ZNF148: variants seen among roughly 807,000 people sequenced by gnomAD.
ZNF148 encodes the protein Beta-Enolase Repressor Factor-1.
Under a neutral mutation model 67.7 loss-of-function variants are expected in ZNF148, and 7 were observed. That is an observed-to-expected ratio of 0.10 (90% CI 0.06 to 0.19). The LOEUF (loss-of-function observed/expected upper bound fraction) is 0.19, where lower values mean the gene tolerates loss of function less well. ZNF148 is among the 10% of genes least tolerant of loss of function. The pLI is 1.00. For missense variants in ZNF148, 583 were observed against 947.1 expected, an observed-to-expected ratio of 0.62 and a Z score of 5.05; for synonymous variants, 333 against 330.7, an observed-to-expected ratio of 1.01 and a Z score of -0.08.
intron 4 of ZNF148, among the ~76,000 whole-genome samples, chr3:125,293,903 G>A (rs1290819044): frequency 3.3e-5 from 5 of 152,160 alleles, no homozygotes; most frequent in Admixed American, 1.3e-4. Flanking sequence ...ATATTTAAAC[G>A]GTCTCAAAGT....
intron 4 of ZNF148, among the ~76,000 whole-genome samples, chr3:125,305,336 A>G (rs933697090): frequency 2.6e-5 from 4 of 152,256 alleles, no homozygotes; most frequent in African/African-American, 7.2e-5. Flanking sequence ...AATGTAAAAT[A>G]TAAATTCCAA....
At chr3:125,351,118 G>A (rs924479445) in intron 1 of ZNF148, among the ~76,000 whole-genome samples, 1 of 152,094 alleles carries the variant, frequency 6.6e-6, no homozygotes, top group African/African-American at 2.4e-5. Flanking sequence ...AAGATGGGAG[G>A]ATCGCTTGAA....
intron 7 of ZNF148, among the ~76,000 whole-genome samples, chr3:125,258,532 G>T (rs1379080754): frequency 6.6e-6 from 1 of 151,578 alleles, no homozygotes; most frequent in Admixed American, 6.6e-5. Context: ...CTCCCAAGTA[G>T]CTGGGTCTAC....
intron 3 of ZNF148, among the ~76,000 whole-genome samples, chr3:125,315,704 T>C (rs1206004948): frequency 2.0e-4 from 18 of 88,516 alleles, no homozygotes; most frequent in Admixed American, 1.5e-3. Context: ...CAGGACTCCA[T>C]CTCAAAAAAA....
rs1016714327 is a variant in ZNF148 at position 125,231,502 on chromosome 3, T to C, written c.*839A>G. ...GAATATACATTTTGTGTAAGCATTA[T>C]GTTCTTGGGAATGTAATCTACAGAA... is the stretch of plus-strand genomic sequence containing the variant. On this transcript the variant is annotated 3_prime_UTR_variant, in exon 9 of 9. Transcript: ENST00000360647. 2.0e-5 allele frequency: 3 copies of C among 152,566 alleles called. No homozygotes were observed. The highest frequency in any genetic ancestry group is 7.2e-5 in the African/African-American group (3 of 41,460). The allele number at this position is 152,566 out of a possible 1,614,324, so 9.5% of individuals were successfully genotyped here.
At chr3:125,235,851 C>CA (rs1234042638) in intron 7 of ZNF148, among the ~76,000 whole-genome samples, 4 of 146,548 alleles carry the variant, frequency 2.7e-5, no homozygotes, top group Non-Finnish European at 5.9e-5. Flanking sequence ...ATCACAAGGA[C>CA]AAAAAACCAA....
At chr3:125,374,989 G>A (rs1943017836) in intron 1 of ZNF148, 113 bp downstream of exon 1, 1 of 143,026 alleles carries the variant, frequency 7.0e-6, no homozygotes. Context: ...GCCTCGCCAC[G>A]GCTCGCTCCC....
At chr3:125,373,002 G>A (rs1942941012) in intron 1 of ZNF148, among the ~76,000 whole-genome samples, 1 of 151,878 alleles carries the variant, frequency 6.6e-6, no homozygotes, top group South Asian at 2.1e-4. Flanking sequence ...TTTAAAAAGG[G>A]TAGAAAGACA....
At chr3:125,365,390 T>C (rs1288125590) in intron 1 of ZNF148, among the ~76,000 whole-genome samples, 2 of 152,174 alleles carry the variant, frequency 1.3e-5, no homozygotes, top group East Asian at 1.9e-4. Flanking sequence ...ACGTATTTAG[T>C]TTCTATCATT....
intron 1 of ZNF148, among the ~76,000 whole-genome samples, chr3:125,361,178 G>A (rs1430428528): frequency 2.0e-5 from 3 of 151,912 alleles, no homozygotes; most frequent in Non-Finnish European, 4.4e-5. Context: ...GGCTTTTCCT[G>A]GACAATCTGC....
chr3:125,350,397 T>C (rs1248513861), intron 1 of ZNF148, among the ~76,000 whole-genome samples: 1 of 152,188 alleles, frequency 6.6e-6, no homozygotes, highest in Non-Finnish European at 1.5e-5. Flanking sequence ...ACTCCTGACC[T>C]CAAATGACCC....
At chr3:125,237,841 AAAG>A (rs1936163152) in intron 7 of ZNF148, among the ~76,000 whole-genome samples, 3 of 152,354 alleles carry the variant, frequency 2.0e-5, no homozygotes, top group African/African-American at 7.2e-5. Flanking sequence ...CTATCTTGAA[AAAG>A]AAGAATGAAG....
intron 7 of ZNF148, among the ~76,000 whole-genome samples, chr3:125,243,596 C>G (rs1936463300): frequency 6.6e-6 from 1 of 152,162 alleles, no homozygotes; most frequent in Non-Finnish European, 1.5e-5. Flanking sequence ...TCATAGCTCA[C>G]TGCAGCCGTG....
intron 1 of ZNF148, among the ~76,000 whole-genome samples, chr3:125,348,549 G>A (rs1006704582): frequency 7.5e-5 from 11 of 146,352 alleles, no homozygotes; most frequent in African/African-American, 2.8e-4. Flanking sequence ...ACTTAACTAA[G>A]GAGGCAAAGA....
At chr3:125,242,328 ATC>A (rs1472122418) in intron 7 of ZNF148, among the ~76,000 whole-genome samples, 2 of 152,128 alleles carry the variant, frequency 1.3e-5, no homozygotes, top group African/African-American at 4.8e-5. Flanking sequence ...TTTACATTAA[ATC>A]TCTCATATGG....
chr3:125,232,668 T>C lies in ZNF148; in HGVS notation c.2058A>G (p.Ser686=), dbSNP rs772714530. 5 of 1,613,736 alleles carry C rather than the reference T, an allele frequency of 3.1e-6. No individual in the cohort carries two copies. Among genetic ancestry groups the C allele is most frequent in the South Asian group, 2.2e-5 (2 of 91,088 alleles). Residue 686 remains serine (S), a synonymous_variant, in exon 9 of 9, where the codon TCA becomes TCG. Coordinates refer to ENST00000360647, the MANE Select transcript of ZNF148 (RefSeq NM_021964.3). This position sits in a 1 kb window ranked among gnomAD's most constrained non-coding sequence, Gnocchi z 4.2. ...FGLIVGDSQH[S]FPFSGDETNH... is the part of the protein sequence containing the mutation. ...TTGTCTCATCACCTGAAAAGGGAAA[T>C]GAGTGCTGTGAATCACCAACTATTA...
intron 7 of ZNF148, among the ~76,000 whole-genome samples, chr3:125,274,396 A>G (rs1487041653): frequency 6.6e-6 from 1 of 152,214 alleles, no homozygotes; most frequent in African/African-American, 2.4e-5. Flanking sequence ...AGTCCTGAGG[A>G]TATTTACAAT....
chr3:125,233,407 C>A lies in ZNF148; in HGVS notation c.1319G>T (p.Gly440Val). ...VDKQALLDSE[G>V]NADIDQVDNL... Reference sequence around the variant, plus strand: ...ATCAACCTGATCAATGTCAGCATTGCCTTCTGAGTCCAGTAAAGCCTGTTT... The same window carrying A: ...ATCAACCTGATCAATGTCAGCATTGACTTCTGAGTCCAGTAAAGCCTGTTT... Residue 440 changes from glycine (G) to valine (V), a missense_variant, in exon 9 of 9, where the codon GGC (glycine) becomes GTC (valine). Transcript: ENST00000360647. The surrounding 1 kb of genome is among the most constrained non-coding windows in gnomAD (Gnocchi z 5.1). 6.2e-7 allele frequency: 1 copy of A among 1,613,952 alleles called. No homozygotes were observed. Among genetic ancestry groups the A allele is most frequent in the Non-Finnish European group, 8.5e-7 (1 of 1,179,928 alleles).
chr3:125,235,938 C>T (rs9814573), intron 7 of ZNF148, among the ~76,000 whole-genome samples: 97,948 of 125,556 alleles, frequency 0.78, 38,176 homozygotes, highest in African/African-American at 0.86. Context: ...CATCATAAAC[C>T]GGGGACTGTT....
Sources: gnomAD v4.1 joint callset for allele counts (sites outside exome capture counted in the v4.1 genomes callset) on GRCh38, gnomAD v4.1.1 for gene constraint, Gnocchi (gnomAD v3.1) non-coding constraint, MANE v1.5 for transcripts, NCBI Gene and HGNC (gene_info 2026-07-23, HGNC 2026-07-21) for gene names.